Variants in KALRN observed in about 807,000 individuals in gnomAD.
KALRN encodes kalirin RhoGEF kinase.
A neutral mutation model predicts 353.7 loss-of-function variants in KALRN; 70 were observed. That is an observed-to-expected ratio of 0.20 (90% CI 0.16 to 0.24). The LOEUF (loss-of-function observed/expected upper bound fraction) is 0.24, where lower values mean the gene tolerates loss of function less well. Ranked by LOEUF, KALRN falls within the 10% of genes least tolerant of loss-of-function variation. KALRN has a pLI of 1.00. For missense variants in KALRN, 2,791 were observed against 3,756.7 expected, an observed-to-expected ratio of 0.74 and a Z score of 6.72; for synonymous variants, 1,391 against 1,434.8, an observed-to-expected ratio of 0.97 and a Z score of 0.69.
intron 25 of KALRN, among the ~76,000 whole-genome samples, chr3:124,468,330 C>T (rs1328340597): frequency 6.6e-6 from 1 of 152,050 alleles, no homozygotes; most frequent in Non-Finnish European, 1.5e-5. Flanking sequence ...ATTTTACAAC[C>T]CCTTGAAACA....
intron 33 of KALRN, among the ~76,000 whole-genome samples, chr3:124,510,836 A>G (rs2065825605): frequency 6.6e-6 from 1 of 152,190 alleles, no homozygotes; most frequent in Non-Finnish European, 1.5e-5. Flanking sequence ...CTTCAACAAT[A>G]GTTTTTGTTG....
intron 34 of KALRN, among the ~76,000 whole-genome samples, chr3:124,575,161 G>A (rs1288216901): frequency 6.6e-6 from 1 of 152,234 alleles, no homozygotes; most frequent in South Asian, 2.1e-4. Context: ...TGGTAGGACT[G>A]GGTTGTCTTG....
chr3:124,662,097 T>C (rs1248231533), intron 45 of KALRN, among the ~76,000 whole-genome samples, 169 bp downstream of exon 45: 2 of 152,118 alleles, frequency 1.3e-5, no homozygotes, highest in Non-Finnish European at 1.5e-5. Context: ...GATGCATCTC[T>C]TTAGGAAGTC....
intron 21 of KALRN, among the ~76,000 whole-genome samples, chr3:124,450,563 CTT>C (rs756571468): frequency 2.5e-4 from 34 of 137,902 alleles, no homozygotes; most frequent in African/African-American, 2.6e-4. Context: ...TTCTGAGACT[CTT>C]TTTTTTTTTT....
At chr3:124,268,667 C>T in intron 4 of KALRN, 76 bp from the exon 5 acceptor site, 1 of 1,463,858 alleles carries the variant, frequency 6.8e-7, no homozygotes, top group Non-Finnish European at 9.4e-7. Flanking sequence ...TTATCTTGTC[C>T]TTTCCCTCAT....
chr3:124,153,945 G>T (rs1005765241), intron 1 of KALRN, among the ~76,000 whole-genome samples: 12 of 152,036 alleles, frequency 7.9e-5, no homozygotes, highest in Non-Finnish European at 1.5e-5. Flanking sequence ...CATATCCTTT[G>T]CCCACTTTTT....
chr3:124,660,334 TAATC>T (rs2084682464), intron 43 of KALRN, among the ~76,000 whole-genome samples: 3 of 152,166 alleles, frequency 2.0e-5, no homozygotes, highest in Non-Finnish European at 4.4e-5. Context: ...TTTCTTGTCA[TAATC>T]CCCCTTTCCT....
intron 1 of KALRN, among the ~76,000 whole-genome samples, chr3:124,191,165 C>T (rs1183338072): frequency 6.6e-6 from 1 of 152,210 alleles, no homozygotes; most frequent in African/African-American, 2.4e-5. Context: ...GTGTGCCACC[C>T]TTAAGGAACC....
intron 33 of KALRN, among the ~76,000 whole-genome samples, chr3:124,551,241 C>T (rs1179583646): frequency 6.6e-6 from 1 of 152,112 alleles, no homozygotes; most frequent in African/African-American, 2.4e-5. Flanking sequence ...TTAGGACTCA[C>T]CCAGTAAGTG....
intron 33 of KALRN, among the ~76,000 whole-genome samples, chr3:124,532,923 T>G (rs187332294): frequency 6.7e-6 from 1 of 149,538 alleles, no homozygotes; most frequent in East Asian, 1.9e-4. Flanking sequence ...TACCAATAAT[T>G]CCATGACTTT....
intron 1 of KALRN, among the ~76,000 whole-genome samples, chr3:124,096,358 T>G (rs2061449856): frequency 6.6e-6 from 1 of 152,222 alleles, no homozygotes; most frequent in African/African-American, 2.4e-5. Flanking sequence ...TAGTTTTCAT[T>G]ACCAAGGCAG....
At chr3:124,597,920 A>C (rs1026639672) in intron 34 of KALRN, among the ~76,000 whole-genome samples, 1 of 152,174 alleles carries the variant, frequency 6.6e-6, no homozygotes, top group Admixed American at 6.5e-5. Flanking sequence ...ATCTCTGTAG[A>C]GAAGATAGTG....
chr3:124,393,377 A>G (rs922137965), intron 11 of KALRN, among the ~76,000 whole-genome samples: 1 of 152,256 alleles, frequency 6.6e-6, no homozygotes, highest in Non-Finnish European at 1.5e-5. Flanking sequence ...AACGACAGCC[A>G]GAAAATATGA....
In KALRN at chr3:124,666,511, T is replaced by G. The variant is rs1407815919; in HGVS notation, c.6408T>G (p.Asp2136Glu). The G allele has an allele frequency of 6.2e-7, 1 of 1,613,944 alleles. No homozygotes were observed. Among genetic ancestry groups the G allele is most frequent in the African/African-American group, 1.3e-5 (1 of 74,942 alleles). Reference sequence around the variant, plus strand: ...ACACATTCTATGTGATCGAGCTGGATGCAGGCATGCAGTCCCGGACCAAAG... The same window carrying G: ...ACACATTCTATGTGATCGAGCTGGAGGCAGGCATGCAGTCCCGGACCAAAG... ...QQDTFYVIEL[D>E]AGMQSRTKER... Residue 2136 changes from aspartate (D) to glutamate (E), a missense_variant, in exon 46 of 60, where the codon GAT becomes GAG. Asp to Glu is a conservative substitution (Grantham distance 45). Transcript: ENST00000682506.
chr3:124,429,204 G>A (rs1314235978), intron 15 of KALRN, among the ~76,000 whole-genome samples: 1 of 152,178 alleles, frequency 6.6e-6, no homozygotes, highest in Non-Finnish European at 1.5e-5. Context: ...TCTACAATCT[G>A]CTAGCTTGGC....
intron 33 of KALRN, among the ~76,000 whole-genome samples, chr3:124,508,342 CT>C (rs1306815992): frequency 6.6e-6 from 1 of 152,126 alleles, no homozygotes; most frequent in Non-Finnish European, 1.5e-5. Flanking sequence ...AGTGTCTTTA[CT>C]TTTTTTATAA....
chr3:124,286,208 T>A (rs1055807076), intron 5 of KALRN, among the ~76,000 whole-genome samples: 3 of 150,710 alleles, frequency 2.0e-5, no homozygotes, highest in African/African-American at 7.3e-5. Context: ...CTCTTTTCTC[T>A]TTTTCTCTTT....
At chr3:124,118,369 G>A (rs1483447220) in intron 1 of KALRN, among the ~76,000 whole-genome samples, 6 of 152,176 alleles carry the variant, frequency 3.9e-5, no homozygotes, top group African/African-American at 7.2e-5. Flanking sequence ...AACAGGGAAT[G>A]CTTTTCTTAG....
intron 1 of KALRN, among the ~76,000 whole-genome samples, chr3:124,084,379 C>G (rs1422064105): frequency 6.6e-6 from 1 of 152,236 alleles, no homozygotes; most frequent in Non-Finnish European, 1.5e-5. Context: ...TTGCCCCAAG[C>G]TTCAGTATGA....
Sources: gnomAD v4.1 joint callset for allele counts (sites outside exome capture counted in the v4.1 genomes callset) on GRCh38, gnomAD v4.1.1 for gene constraint, MANE v1.5 for transcripts, NCBI Gene and HGNC (gene_info 2026-07-23, HGNC 2026-07-21) for gene names.